GNAQ: variants seen among roughly 807,000 people sequenced by gnomAD.
The protein encoded by GNAQ is G protein subunit alpha q, also known as guanine nucleotide-binding protein G(q) subunit alpha.
A neutral mutation model predicts 43.9 loss-of-function variants in GNAQ; 8 were observed. The ratio of observed to expected loss-of-function variants is 0.18; its 90% CI spans 0.11 to 0.33. The LOEUF (loss-of-function observed/expected upper bound fraction) is 0.33. Among genes scored for constraint, GNAQ ranks in the 10% least tolerant of loss-of-function variants. The pLI is 1.00. For missense variants in GNAQ, 158 were observed against 450.8 expected, an observed-to-expected ratio of 0.35 and a Z score of 5.88; for synonymous variants, 155 against 170.7, an observed-to-expected ratio of 0.91 and a Z score of 0.71.
intron 2 of GNAQ, among the ~76,000 whole-genome samples, chr9:77,831,370 G>T (rs1340077663): frequency 1.3e-5 from 2 of 152,114 alleles, no homozygotes; most frequent in African/African-American, 4.8e-5. Flanking sequence ...AGTCTACACT[G>T]GGCATTCAGT....
intron 2 of GNAQ, among the ~76,000 whole-genome samples, chr9:77,857,957 A>C (rs1209500258): frequency 6.6e-6 from 1 of 151,958 alleles, no homozygotes; most frequent in East Asian, 1.9e-4. Context: ...AACTCCCCAA[A>C]AGCTTTTTTA....
chr9:77,864,766 C>T (rs368911482), intron 2 of GNAQ, among the ~76,000 whole-genome samples: 28 of 152,182 alleles, frequency 1.8e-4, no homozygotes, highest in Admixed American at 1.2e-3. Flanking sequence ...TGTGGTAATA[C>T]GTTACAGCAG....
chr9:77,741,763 C>T (rs1031047973), intron 5 of GNAQ, among the ~76,000 whole-genome samples: 2 of 152,114 alleles, frequency 1.3e-5, no homozygotes, highest in African/African-American at 2.4e-5. Flanking sequence ...CTTTAAGCAG[C>T]TTAAAAAAAT....
rs796467074 is a variant in GNAQ, at chr9:77,940,904, C to G, written c.137-18559G>C. On this transcript the variant is annotated intron_variant, in intron 1 of 6. Transcript: ENST00000286548. ...ATGGCGTGAACCCAGGAGGAGCTTG[C>G]AGTGAGCCGAGATCACACCACTGCA... 4.1e-4 allele frequency among the ~76,000 whole-genome samples: 62 copies of G among 151,146 alleles called. 1 individual carries two copies. The highest frequency in any genetic ancestry group is 1.4e-3 in the African/African-American group (58 of 41,188).
At chr9:77,887,956 A>T (rs1828339457) in intron 2 of GNAQ, among the ~76,000 whole-genome samples, 1 of 152,216 alleles carries the variant, frequency 6.6e-6, no homozygotes, top group Non-Finnish European at 1.5e-5. Flanking sequence ...TAGTTCTCAA[A>T]GTGTAATCGG....
intron 3 of GNAQ, among the ~76,000 whole-genome samples, chr9:77,812,302 C>G (rs1474930239): frequency 6.6e-6 from 1 of 152,146 alleles, no homozygotes; most frequent in African/African-American, 2.4e-5. Flanking sequence ...TAAAATACAA[C>G]TTTATAATGG....
At chr9:77,930,519 A>G (rs1299817626) in intron 1 of GNAQ, among the ~76,000 whole-genome samples, 1 of 152,234 alleles carries the variant, frequency 6.6e-6, no homozygotes, top group African/African-American at 2.4e-5. Context: ...CATTCATATA[A>G]GCTTTCCTTT....
At chr9:77,871,237 G>A (rs952787195) in intron 2 of GNAQ, among the ~76,000 whole-genome samples, 1 of 152,176 alleles carries the variant, frequency 6.6e-6, no homozygotes, top group South Asian at 2.1e-4. Context: ...TTAAGATGTA[G>A]TCTATAGGAC....
At chr9:77,801,101 A>G (rs1287832277) in intron 3 of GNAQ, among the ~76,000 whole-genome samples, 2 of 152,172 alleles carry the variant, frequency 1.3e-5, no homozygotes, top group African/African-American at 2.4e-5. Context: ...CTAACAGATT[A>G]CTCATTGCCA....
At chr9:77,970,444 A>G (rs1261374977) in intron 1 of GNAQ, among the ~76,000 whole-genome samples, 7 of 152,188 alleles carry the variant, frequency 4.6e-5, no homozygotes, top group African/African-American at 1.7e-4. Flanking sequence ...GGCTTTTCAA[A>G]GGCAGTATGG....
chr9:77,873,105 T>C (rs564132663), intron 2 of GNAQ, among the ~76,000 whole-genome samples: 110 of 152,324 alleles, frequency 7.2e-4, no homozygotes, highest in African/African-American at 2.5e-3. Flanking sequence ...GGGTCTAATC[T>C]TGAAGATGTT....
chr9:77,894,362 A>AT, intron 2 of GNAQ, among the ~76,000 whole-genome samples: 1 of 135,162 alleles, frequency 7.4e-6, no homozygotes, highest in Admixed American at 8.2e-5. Context: ...TAGAAAATAT[A>AT]TATATTATAT....
At chr9:77,901,799 A>G (rs1828620431) in intron 2 of GNAQ, among the ~76,000 whole-genome samples, 5 of 152,118 alleles carry the variant, frequency 3.3e-5, no homozygotes. Flanking sequence ...TTTATTTCTC[A>G]CAGTCCTGGA....
At chr9:77,955,736 T>C (rs1171310496) in intron 1 of GNAQ, among the ~76,000 whole-genome samples, 1 of 152,250 alleles carries the variant, frequency 6.6e-6, no homozygotes, top group Admixed American at 6.5e-5. Flanking sequence ...ATAGCTATTA[T>C]AAACCTTTAG....
In GNAQ at chr9:77,811,350, T is replaced by A. The variant is rs143816991; in HGVS notation, c.476+4266A>T. Among the ~76,000 whole-genome samples, 249 of 150,646 alleles carry A rather than the reference T, an allele frequency of 1.7e-3. 4 individuals carry two copies. The highest frequency in any genetic ancestry group is 0.012 in the Admixed American group (185 of 15,130). Reference sequence around the variant, plus strand: ...TATAAAGATATATTATATATAAAGATATAAAAATATAAAGATATGAAAAAA... The same window carrying A: ...TATAAAGATATATTATATATAAAGAAATAAAAATATAAAGATATGAAAAAA... On this transcript the variant is annotated intron_variant, in intron 3 of 6. Coordinates refer to ENST00000286548, the MANE Select transcript of GNAQ (RefSeq NM_002072.5).
chr9:77,748,459 T>G (rs944137985), intron 5 of GNAQ, among the ~76,000 whole-genome samples: 4 of 152,244 alleles, frequency 2.6e-5, no homozygotes, highest in African/African-American at 9.6e-5. Flanking sequence ...AGGACAAGCA[T>G]GAAGCTTTGT....
intron 5 of GNAQ, among the ~76,000 whole-genome samples, chr9:77,775,327 T>G (rs2118384232): frequency 6.6e-6 from 1 of 152,244 alleles, no homozygotes; most frequent in Non-Finnish European, 1.5e-5. Context: ...AAAGATTTTA[T>G]ATATTGTCAT....
intron 2 of GNAQ, among the ~76,000 whole-genome samples, chr9:77,833,018 A>G (rs1005496305): frequency 3.3e-5 from 5 of 152,088 alleles, no homozygotes; most frequent in African/African-American, 1.2e-4. Context: ...CCAGGCTGGA[A>G]TGCAAAGGCA....
chr9:77,956,852 T>C (rs1161081396), intron 1 of GNAQ, among the ~76,000 whole-genome samples: 1 of 151,964 alleles, frequency 6.6e-6, no homozygotes, highest in Non-Finnish European at 1.5e-5. Context: ...GGTGAGAGAG[T>C]TCTATAACAC....
Sources: allele counts gnomAD v4.1 joint callset (sites outside exome capture counted in the v4.1 genomes callset), GRCh38; gene constraint gnomAD v4.1.1; transcripts MANE v1.5; gene names NCBI Gene and HGNC (gene_info 2026-07-23, HGNC 2026-07-21).